The following KCNH7 variants were observed in gnomAD, a reference collection of about 807,000 sequenced individuals.
KCNH7 encodes the protein voltage-gated inwardly rectifying potassium channel KCNH7.
In KCNH7, 49 loss-of-function variants were observed where a neutral mutation model predicts 120.8. That is an observed-to-expected ratio of 0.41 (90% CI 0.32 to 0.51). The LOEUF (loss-of-function observed/expected upper bound fraction) is 0.51. Ranked by LOEUF, KCNH7 falls within the 20% of genes least tolerant of loss-of-function variation. The pLI is 0.38. For synonymous variants in KCNH7, 547 were observed against 516.1 expected, an observed-to-expected ratio of 1.06 and a Z score of -0.81; for missense variants, 1,097 against 1,446.6, an observed-to-expected ratio of 0.76 and a Z score of 3.92.
At chr2:162,757,103 A>C (rs909413740) in intron 2 of KCNH7, among the ~76,000 whole-genome samples, 1 of 152,134 alleles carries the variant, frequency 6.6e-6, no homozygotes, top group Non-Finnish European at 1.5e-5. Flanking sequence ...TCTATGTTTA[A>C]TTTTAGTTGT....
intron 13 of KCNH7, among the ~76,000 whole-genome samples, chr2:162,383,862 C>A (rs1686497888): frequency 1.3e-5 from 2 of 151,404 alleles, no homozygotes; most frequent in South Asian, 4.2e-4. Flanking sequence ...TAATATTATT[C>A]CTCTTTTAAA....
chr2:162,442,740 C>G lies in KCNH7; in HGVS notation c.1554+3278G>C, dbSNP rs560634263. 7.2e-5 allele frequency among the ~76,000 whole-genome samples: 11 copies of G among 152,052 alleles called. 1 individual carries two copies. Among genetic ancestry groups the G allele is most frequent in the African/African-American group, 1.9e-4 (8 of 41,480 alleles). On this transcript the variant is annotated intron_variant, in intron 7 of 15. Coordinates refer to ENST00000332142, the MANE Select transcript of KCNH7 (RefSeq NM_033272.4). The stretch of plus-strand genomic sequence containing the variant: ...GGTATGGTGGTGTCTGCCTGTAGTC[C>G]CAGCTCCTCAGGGGGGTGAGGCAGA...
chr2:162,657,133 T>C (rs1281449449), intron 2 of KCNH7, among the ~76,000 whole-genome samples: 1 of 152,216 alleles, frequency 6.6e-6, no homozygotes, highest in African/African-American at 2.4e-5. Flanking sequence ...TTTGTTATAA[T>C]GGATGAACCT....
intron 2 of KCNH7, among the ~76,000 whole-genome samples, chr2:162,661,872 T>C (rs896307628): frequency 6.6e-6 from 1 of 152,182 alleles, no homozygotes; most frequent in African/African-American, 2.4e-5. Context: ...CAGGTCCTGA[T>C]GTTGGGTTTT....
At chr2:162,703,341 T>G (rs1686581824) in intron 2 of KCNH7, among the ~76,000 whole-genome samples, 1 of 152,116 alleles carries the variant, frequency 6.6e-6, no homozygotes, top group African/African-American at 2.4e-5. Context: ...CGGGTTCAAA[T>G]TCAACTCTAG....
intron 2 of KCNH7, among the ~76,000 whole-genome samples, chr2:162,692,423 C>T (rs943007661): frequency 3.9e-5 from 6 of 152,106 alleles, no homozygotes; most frequent in African/African-American, 1.4e-4. Context: ...TCTTGATATA[C>T]ACACATGCAC....
At chr2:162,655,561 C>T (rs13422876) in intron 2 of KCNH7, among the ~76,000 whole-genome samples, 33,393 of 151,310 alleles carry the variant, frequency 0.22, 5,695 homozygotes, top group African/African-American at 0.47. Flanking sequence ...CTGAGGTGGG[C>T]GGATCACGAG....
At chr2:162,445,956 A>C (rs1688562359) in intron 7 of KCNH7, 62 bp downstream of exon 7, 2 of 1,331,202 alleles carry the variant, frequency 1.5e-6, no homozygotes, top group Non-Finnish European at 2.0e-6. Flanking sequence ...TTTTGCAGTT[A>C]AAATAGATTC....
chr2:162,807,272 A>AAAAAC (rs1553531730), intron 2 of KCNH7, among the ~76,000 whole-genome samples: 1 of 119,020 alleles, frequency 8.4e-6, no homozygotes, highest in Non-Finnish European at 1.8e-5. Context: ...AAAAAAAAAA[A>AAAAAC]AAAAAAAAAA....
At chr2:162,725,991 T>C (rs1262267305) in intron 2 of KCNH7, among the ~76,000 whole-genome samples, 2 of 152,214 alleles carry the variant, frequency 1.3e-5, no homozygotes, top group Admixed American at 6.5e-5. Flanking sequence ...TTTATTATCA[T>C]GCTTTTAAAT....
intron 6 of KCNH7, among the ~76,000 whole-genome samples, chr2:162,488,747 T>C (rs932334069): frequency 1.3e-5 from 2 of 152,214 alleles, no homozygotes; most frequent in Non-Finnish European, 2.9e-5. Flanking sequence ...TCCTTTCTAA[T>C]AAACTTTCCC....
chr2:162,648,428 A>T (rs934185667), intron 2 of KCNH7, among the ~76,000 whole-genome samples: 1 of 152,172 alleles, frequency 6.6e-6, no homozygotes, highest in Non-Finnish European at 1.5e-5. Context: ...ACACATGGAT[A>T]TTACAATTTC....
intron 2 of KCNH7, among the ~76,000 whole-genome samples, chr2:162,831,730 C>T (rs1385210707): frequency 6.6e-6 from 1 of 152,166 alleles, no homozygotes; most frequent in African/African-American, 2.4e-5. Context: ...CAAGTTTCTC[C>T]TGTTAAACTT....
At chr2:162,434,792 C>G in intron 8 of KCNH7, among the ~76,000 whole-genome samples, 1 of 151,702 alleles carries the variant, frequency 6.6e-6, no homozygotes, top group East Asian at 1.9e-4. Context: ...ATATGGTTAA[C>G]ATTTTTTATG....
intron 2 of KCNH7, among the ~76,000 whole-genome samples, chr2:162,835,141 T>C (rs529441806): frequency 1.3e-5 from 2 of 152,164 alleles, no homozygotes; most frequent in African/African-American, 2.4e-5. Context: ...ACACTACTGA[T>C]TGAAAAGTAA....
intron 12 of KCNH7, among the ~76,000 whole-genome samples, chr2:162,385,575 A>G (rs1686548876): frequency 6.6e-6 from 1 of 151,950 alleles, no homozygotes; most frequent in South Asian, 2.1e-4. Context: ...TGGCTGTTTT[A>G]TACTGAAATG....
intron 2 of KCNH7, among the ~76,000 whole-genome samples, chr2:162,702,374 A>C (rs918392499): frequency 2.6e-5 from 4 of 152,172 alleles, no homozygotes; most frequent in Non-Finnish European, 4.4e-5. Context: ...GTATGATATC[A>C]ATATGTTCTG....
intron 7 of KCNH7, among the ~76,000 whole-genome samples, chr2:162,444,991 A>C (rs935399710): frequency 6.6e-6 from 1 of 151,982 alleles, no homozygotes; most frequent in Admixed American, 6.6e-5. Context: ...TCAGGTTGGG[A>C]CTTTGTTTAA....
chr2:162,724,444 G>A (rs561469881), intron 2 of KCNH7, among the ~76,000 whole-genome samples: 8 of 151,912 alleles, frequency 5.3e-5, no homozygotes, highest in South Asian at 2.1e-4. Flanking sequence ...AGGCCGAGGC[G>A]GGCGGATCAC....
Sources: allele counts gnomAD v4.1 joint callset (sites outside exome capture counted in the v4.1 genomes callset), GRCh38; gene constraint gnomAD v4.1.1; transcripts MANE v1.5; gene names NCBI Gene and HGNC (gene_info 2026-07-23, HGNC 2026-07-21).